AGBL4: variants seen among roughly 807,000 people sequenced by gnomAD.
The protein encoded by AGBL4 is cytosolic carboxypeptidase 6.
Under a neutral mutation model 66.4 loss-of-function variants are expected in AGBL4, and 58 were observed. The observed-to-expected ratio is 0.87, with a 90% CI of 0.71 to 1.09. AGBL4 has a LOEUF of 1.09. Ranked by LOEUF, AGBL4 falls within the 50% of genes least tolerant of loss-of-function variation. The pLI, the probability that AGBL4 is intolerant of heterozygous loss-of-function variation, is 0.00. For synonymous variants in AGBL4, 234 were observed against 222.9 expected, an observed-to-expected ratio of 1.05 and a Z score of -0.44; for missense variants, 579 against 631.0, an observed-to-expected ratio of 0.92 and a Z score of 0.88.
intron 4 of AGBL4, among the ~76,000 whole-genome samples, chr1:49,111,780 A>C (rs1645417466): frequency 6.6e-6 from 1 of 152,236 alleles, no homozygotes; most frequent in African/African-American, 2.4e-5. Flanking sequence ...TACTTACTGA[A>C]GTATACTTTG....
chr1:49,503,895 G>T (rs557481328), intron 3 of AGBL4, among the ~76,000 whole-genome samples: 1 of 152,210 alleles, frequency 6.6e-6, no homozygotes, highest in East Asian at 1.9e-4. Flanking sequence ...TTGGTTTAAT[G>T]CTGGAATGCA....
At chr1:49,836,798 C>G (rs1479092147) in intron 2 of AGBL4, among the ~76,000 whole-genome samples, 1 of 152,096 alleles carries the variant, frequency 6.6e-6, no homozygotes, top group Non-Finnish European at 1.5e-5. Context: ...GATGCTATTC[C>G]TTTCTGTTTG....
At chr1:49,423,823 A>G (rs1645598289) in intron 3 of AGBL4, among the ~76,000 whole-genome samples, 1 of 151,964 alleles carries the variant, frequency 6.6e-6, no homozygotes, top group African/African-American at 2.4e-5. Flanking sequence ...AAAAAAAAAA[A>G]AAAAAAAATT....
intron 3 of AGBL4, among the ~76,000 whole-genome samples, chr1:49,549,020 A>AATTTATCC (rs1652737549): frequency 6.6e-6 from 1 of 151,864 alleles, no homozygotes; most frequent in African/African-American, 2.4e-5. Flanking sequence ...TCTTTCCAGG[A>AATTTATCC]ATTTATCCAT....
chr1:49,820,941 C>T (rs1645353850), intron 2 of AGBL4, among the ~76,000 whole-genome samples: 1 of 152,146 alleles, frequency 6.6e-6, no homozygotes, highest in Admixed American at 6.5e-5. Flanking sequence ...CATGCTTACC[C>T]TAATTTTTGT....
At chr1:49,743,004 G>C (rs1054403096) in intron 2 of AGBL4, among the ~76,000 whole-genome samples, 1 of 152,122 alleles carries the variant, frequency 6.6e-6, no homozygotes, top group African/African-American at 2.4e-5. Context: ...AGGACTTCAT[G>C]TCTAAAACAC....
intron 11 of AGBL4, among the ~76,000 whole-genome samples, chr1:48,541,114 C>T (rs7515225): frequency 0.28 from 42,790 of 152,144 alleles, 6,065 homozygotes; most frequent in Middle Eastern, 0.36. Context: ...TGAGCTTCTT[C>T]TGCCTCCAGG....
chr1:49,798,046 G>A (rs867769121), intron 2 of AGBL4, among the ~76,000 whole-genome samples: 14 of 152,112 alleles, frequency 9.2e-5, no homozygotes, highest in Middle Eastern at 3.4e-3. Context: ...CACCTTGCCC[G>A]GCCAATTATC....
At chr1:49,405,386 G>T (rs1645174792) in intron 3 of AGBL4, among the ~76,000 whole-genome samples, 1 of 152,100 alleles carries the variant, frequency 6.6e-6, no homozygotes, top group Non-Finnish European at 1.5e-5. Context: ...GTGGCTCTTT[G>T]CAAGTTATTA....
At chr1:49,399,764 T>A (rs148283511) in intron 3 of AGBL4, among the ~76,000 whole-genome samples, 1 of 152,148 alleles carries the variant, frequency 6.6e-6, no homozygotes, top group African/African-American at 2.4e-5. Flanking sequence ...GTCAGATGGG[T>A]AGTTGAAAAA....
At chr1:48,698,638 G>A (rs1381971052) in intron 6 of AGBL4, among the ~76,000 whole-genome samples, 2 of 152,214 alleles carry the variant, frequency 1.3e-5, no homozygotes, top group Non-Finnish European at 2.9e-5. Flanking sequence ...TGAATTGGGA[G>A]ACCAAGGCTC....
At chr1:49,429,616 A>T (rs1197216854) in intron 3 of AGBL4, among the ~76,000 whole-genome samples, 1 of 152,092 alleles carries the variant, frequency 6.6e-6, no homozygotes, top group Non-Finnish European at 1.5e-5. Context: ...CACTACTTCT[A>T]TCTGTCTCCA....
chr1:48,933,563 C>A (rs996498932), intron 5 of AGBL4, among the ~76,000 whole-genome samples: 7 of 152,150 alleles, frequency 4.6e-5, no homozygotes, highest in African/African-American at 1.7e-4. Flanking sequence ...TTCTTGAGTC[C>A]AAATAACCCC....
chr1:48,832,767 TTAA>T lies in AGBL4; in HGVS notation c.634+34421_634+34423del, dbSNP rs1214708293. Among the ~76,000 whole-genome samples the T allele has an allele frequency of 2.6e-4, 39 of 152,274 alleles. 1 individual carries two copies. The highest frequency in any genetic ancestry group is 8.9e-4 in the African/African-American group (37 of 41,560). ...GTGTGGGTGAGCCTCATTCAATCTG[TTAA>T]GAGCCTGGATAGAATAAAAAGGCAG... is the stretch of plus-strand genomic sequence containing the variant. On this transcript the variant is annotated intron_variant, in intron 6 of 13. Transcript: ENST00000371839.
intron 6 of AGBL4, among the ~76,000 whole-genome samples, chr1:48,840,277 G>A (rs1646769089): frequency 6.6e-6 from 1 of 152,116 alleles, no homozygotes; most frequent in Non-Finnish European, 1.5e-5. Context: ...TCCCAAGGCA[G>A]AGATACCTCT....
rs1229181679 is a variant in AGBL4, at chr1:48,772,218, A to T, written c.634+94973T>A. Among the ~76,000 whole-genome samples the T allele has an allele frequency of 6.6e-5, 10 of 152,364 alleles. No homozygotes were observed. The East Asian group carries it at 1.7e-3, about 26-fold the overall frequency. ...TAAAAACAAGACATAAAATGCTACA[A>T]TCCATAAGCAAGGCAAAACCAAAGT... On this transcript the variant is annotated intron_variant, in intron 6 of 13. Transcript: ENST00000371839.
intron 4 of AGBL4, among the ~76,000 whole-genome samples, chr1:49,245,422 T>C (rs1651563001): frequency 6.6e-6 from 1 of 151,736 alleles, no homozygotes; most frequent in South Asian, 2.1e-4. Context: ...TATTTATGTT[T>C]CCAAAGATAC....
intron 6 of AGBL4, among the ~76,000 whole-genome samples, chr1:48,830,883 C>T (rs1646535935): frequency 6.6e-6 from 1 of 152,054 alleles, no homozygotes; most frequent in African/African-American, 2.4e-5. Context: ...TTGCTGAGGG[C>T]CTGCTACATA....
At chr1:49,816,651 G>T (rs1332572575) in intron 2 of AGBL4, among the ~76,000 whole-genome samples, 2 of 152,134 alleles carry the variant, frequency 1.3e-5, no homozygotes, top group Admixed American at 1.3e-4. Flanking sequence ...GCACAGAAAA[G>T]AAGGTATCAA....
Sources: gnomAD v4.1 joint callset for allele counts (sites outside exome capture counted in the v4.1 genomes callset) on GRCh38, gnomAD v4.1.1 for gene constraint, MANE v1.5 for transcripts, NCBI Gene and HGNC (gene_info 2026-07-23, HGNC 2026-07-21) for gene names.